IGF2R: variants seen among roughly 807,000 people sequenced by gnomAD.
IGF2R encodes the protein insulin like growth factor 2 receptor.
Under a neutral mutation model 270.6 loss-of-function variants are expected in IGF2R, and 91 were observed. That is an observed-to-expected ratio of 0.34 (90% CI 0.28 to 0.40). The LOEUF (loss-of-function observed/expected upper bound fraction) is 0.40, where lower values mean the gene tolerates loss of function less well. Among genes scored for constraint, IGF2R ranks in the 10% least tolerant of loss-of-function variants. IGF2R has a pLI of 1.00. For missense variants in IGF2R, 2,805 were observed against 3,188.3 expected, an observed-to-expected ratio of 0.88 and a Z score of 2.90; for synonymous variants, 1,316 against 1,258.9, an observed-to-expected ratio of 1.05 and a Z score of -0.96.
rs553555317 is a variant in IGF2R, at chr6:160,090,216, C to A, written c.6655+113C>A. ...TCTCGGACCACTTTTAAAACAAAAA[C>A]CTTGGTCTAATTCTTTACTTTGTTA... On this transcript the variant is annotated intron_variant, in intron 44 of 47. Coordinates refer to ENST00000356956, the MANE Select transcript of IGF2R (RefSeq NM_000876.4). The A allele has an allele frequency of 4.5e-5, 32 of 709,978 alleles. 2 individuals carry two copies. The South Asian group carries it at 8.5e-4, about 19-fold the overall frequency. 44.0% of individuals were successfully genotyped at this position (709,978 alleles called of 1,614,324 possible). A position where few individuals can be genotyped will look rare whatever the true frequency, so the allele number is the denominator to read the frequency against.
chr6:160,062,298 C>T (rs557502174), intron 25 of IGF2R, among the ~76,000 whole-genome samples: 297 of 151,418 alleles, frequency 2.0e-3, no homozygotes, highest in Middle Eastern at 6.8e-3. Context: ...CTCAGCCTCC[C>T]GAGTAGCTGG....
intron 45 of IGF2R, among the ~76,000 whole-genome samples, chr6:160,099,879 A>G (rs570319631): frequency 2.6e-5 from 4 of 152,310 alleles, no homozygotes; most frequent in African/African-American, 9.6e-5. Flanking sequence ...TGAAAGTAAA[A>G]CCATTTTCTT....
At chr6:160,037,580 C>G (rs1777855536) in intron 10 of IGF2R, among the ~76,000 whole-genome samples, 1 of 152,084 alleles carries the variant, frequency 6.6e-6, no homozygotes, top group African/African-American at 2.4e-5. Flanking sequence ...GCAAGCGCAT[C>G]TTTTGGTCAT....
chr6:159,988,475 T>C (rs1783923964), intron 1 of IGF2R, among the ~76,000 whole-genome samples: 1 of 129,758 alleles, frequency 7.7e-6, no homozygotes, highest in South Asian at 2.3e-4. Context: ...ATTGCGCCAC[T>C]GCACTCCAGC....
intron 2 of IGF2R, among the ~76,000 whole-genome samples, chr6:159,997,365 G>A (rs1383208163): frequency 1.3e-5 from 2 of 152,160 alleles, no homozygotes; most frequent in Non-Finnish European, 2.9e-5. Flanking sequence ...GGAGACATCA[G>A]TGCTGAGCTT....
chr6:160,062,710 C>T (rs572607859), intron 26 of IGF2R, 91 bp downstream of exon 26: 8 of 879,788 alleles, frequency 9.1e-6, no homozygotes, highest in African/African-American at 8.6e-5. Context: ...CGTGTGATAA[C>T]AGCCATAGCT....
intron 1 of IGF2R, among the ~76,000 whole-genome samples, chr6:159,980,226 A>AG (rs1554234665): frequency 8.3e-6 from 1 of 120,540 alleles, no homozygotes; most frequent in African/African-American, 3.3e-5. Context: ...AAAGAAAGAA[A>AG]GAAAGAAAGA....
At chr6:159,994,114 G>C (rs1239308548) in intron 2 of IGF2R, among the ~76,000 whole-genome samples, 2 of 145,376 alleles carry the variant, frequency 1.4e-5, no homozygotes, top group Admixed American at 1.4e-4. Flanking sequence ...GATTTTTAAA[G>C]TACTGATTCA....
chr6:160,034,894 C>T (rs8191770), intron 10 of IGF2R, among the ~76,000 whole-genome samples: 2 of 152,180 alleles, frequency 1.3e-5, no homozygotes, highest in Admixed American at 6.5e-5. Context: ...GTGACCTCTT[C>T]TTTTATGTAA....
intron 10 of IGF2R, among the ~76,000 whole-genome samples, chr6:160,037,079 A>G (rs1777843886): frequency 6.6e-6 from 1 of 152,226 alleles, no homozygotes; most frequent in South Asian, 2.1e-4. Flanking sequence ...GCCATGCGTC[A>G]TTGATGGCTC....
chr6:160,031,676 C>T (rs1041006260), intron 7 of IGF2R, among the ~76,000 whole-genome samples: 3 of 152,118 alleles, frequency 2.0e-5, no homozygotes, highest in Non-Finnish European at 4.4e-5. Context: ...GATTATGAGT[C>T]AAACAGAAGA....
intron 4 of IGF2R, among the ~76,000 whole-genome samples, chr6:160,017,767 T>C (rs1777340299): frequency 6.6e-6 from 1 of 152,166 alleles, no homozygotes; most frequent in African/African-American, 2.4e-5. Flanking sequence ...ATAAGTTTCA[T>C]GTATGAAGGA....
chr6:159,972,361 T>C (rs1783622939), intron 1 of IGF2R, among the ~76,000 whole-genome samples: 1 of 152,224 alleles, frequency 6.6e-6, no homozygotes, highest in Non-Finnish European at 1.5e-5. Context: ...GGTAATTTCA[T>C]ACGTGGAATG....
intron 43 of IGF2R, 54 bp from the exon 44 acceptor site, chr6:160,089,862 T>C (rs1223670825): frequency 7.7e-7 from 1 of 1,301,880 alleles, no homozygotes; most frequent in African/African-American, 1.5e-5. Context: ...GTTTATGTCA[T>C]GAATGCCTTC....
chr6:159,983,903 A>G lies in IGF2R; in HGVS notation c.150-7281A>G, dbSNP rs114775344. On this transcript the variant is annotated intron_variant, in intron 1 of 47. Coordinates refer to ENST00000356956, the MANE Select transcript of IGF2R (RefSeq NM_000876.4). ...TTATTTCCATGGAAACCAGTTGGGT[A>G]TGGGAAGAGAGGTTGTGGAAGGCAA... Among the ~76,000 whole-genome samples the G allele has an allele frequency of 6.9e-3, 1,051 of 152,318 alleles. 15 individuals carry two copies. Among genetic ancestry groups the G allele is most frequent in the African/African-American group, 0.024 (998 of 41,566 alleles).
intron 2 of IGF2R, among the ~76,000 whole-genome samples, chr6:160,000,977 T>C (rs1784120967): frequency 6.6e-6 from 1 of 151,966 alleles, no homozygotes; most frequent in East Asian, 1.9e-4. Flanking sequence ...CCTCAAGTGA[T>C]CCACCCGCCT....
chr6:160,064,570 C>G (rs1202928715), intron 28 of IGF2R, 39 bp downstream of exon 28: 1 of 1,608,284 alleles, frequency 6.2e-7, no homozygotes, highest in African/African-American at 1.3e-5. Flanking sequence ...GGTCTTCTCC[C>G]CACCCTCAGG....
intron 1 of IGF2R, among the ~76,000 whole-genome samples, chr6:159,975,791 AATAT>A (rs1161355143): frequency 6.8e-6 from 1 of 147,746 alleles, no homozygotes; most frequent in African/African-American, 2.5e-5. Context: ...TATAATATAT[AATAT>A]ATAGTTATAT....
intron 14 of IGF2R, 129 bp downstream of exon 14, chr6:160,046,011 TC>T: frequency 1.4e-6 from 1 of 719,234 alleles, no homozygotes; most frequent in South Asian, 2.5e-5. Context: ...TGAACAAAAT[TC>T]TGAACATCCG....
Sources: allele counts gnomAD v4.1 joint callset (sites outside exome capture counted in the v4.1 genomes callset), GRCh38; gene constraint gnomAD v4.1.1; transcripts MANE v1.5; gene names NCBI Gene and HGNC (gene_info 2026-07-23, HGNC 2026-07-21).